XKR9: variants seen among roughly 807,000 people sequenced by gnomAD.
XKR9 encodes XK-related protein 9.
In XKR9, 32 loss-of-function variants were observed where a neutral mutation model predicts 32.0. That is an observed-to-expected ratio of 1.00 (90% CI 0.76 to 1.34). XKR9 has a LOEUF of 1.34. Ranked by LOEUF, XKR9 falls within the 40% of genes most tolerant of loss-of-function variation. The pLI is 0.00. For synonymous variants in XKR9, 168 were observed against 143.4 expected (o/e 1.17, Z -1.22); for missense variants, 546 against 429.7 (o/e 1.27, Z -2.39).
intron 2 of XKR9, among the ~76,000 whole-genome samples, chr8:70,777,548 G>T (rs540235444): frequency 6.6e-6 from 1 of 152,214 alleles, no homozygotes; most frequent in South Asian, 2.1e-4. Context: ...TTCCACAATG[G>T]TTGAACTAAT....
At chr8:70,810,180 C>T in the XKR9 span, among the ~76,000 whole-genome samples, 1 of 152,114 alleles carries the variant, frequency 6.6e-6, no homozygotes, top group Non-Finnish European at 1.5e-5. Flanking sequence ...ATTTCATATC[C>T]AGCCAAACTA....
the XKR9 span, among the ~76,000 whole-genome samples, chr8:70,993,598 ACATCTTC>A: frequency 0.069 from 9,430 of 136,472 alleles, 694 homozygotes; most frequent in Non-Finnish European, 0.1. Context: ...GTTTCATAGG[ACATCTTC>A]CTTCCTTCCT....
At chr8:70,928,423 C>G in the XKR9 span, among the ~76,000 whole-genome samples, 1 of 152,046 alleles carries the variant, frequency 6.6e-6, no homozygotes, top group Non-Finnish European at 1.5e-5. Flanking sequence ...TAAGCACAAC[C>G]CATTTGATAA....
At chr8:70,675,293 G>T (rs557362154) in intron 2 of XKR9, among the ~76,000 whole-genome samples, 1 of 152,286 alleles carries the variant, frequency 6.6e-6, no homozygotes, top group East Asian at 1.9e-4. Context: ...GGGTTTGGTG[G>T]TGTGCACCTG....
chr8:70,805,871 T>C, the XKR9 span, among the ~76,000 whole-genome samples: 61,077 of 151,970 alleles, frequency 0.4, 13,867 homozygotes, highest in Non-Finnish European at 0.52. Context: ...TGCTTCCCCC[T>C]AGTGAAGCAC....
At chr8:70,733,463 T>C (rs1806739501) in intron 4 of XKR9, among the ~76,000 whole-genome samples, 1 of 152,080 alleles carries the variant, frequency 6.6e-6, no homozygotes, top group Admixed American at 6.6e-5. Flanking sequence ...CTTTTTTCAG[T>C]ATATCAGTTG....
the XKR9 span, among the ~76,000 whole-genome samples, chr8:70,827,427 C>T: frequency 6.6e-6 from 1 of 151,954 alleles, no homozygotes; most frequent in African/African-American, 2.4e-5. Context: ...GACATAAATA[C>T]AGAAAGAAGA....
chr8:70,914,474 ATTTAC>A, the XKR9 span, among the ~76,000 whole-genome samples: 1 of 151,914 alleles, frequency 6.6e-6, no homozygotes, highest in Non-Finnish European at 1.5e-5. Context: ...TTTCATTTTT[ATTTAC>A]TTTTAGATTT....
At chr8:70,709,333 A>G (rs1314551098) in intron 4 of XKR9, among the ~76,000 whole-genome samples, 1 of 152,186 alleles carries the variant, frequency 6.6e-6, no homozygotes, top group Admixed American at 6.5e-5. Flanking sequence ...ACAAACCCAC[A>G]GTCAACATCA....
the XKR9 span, among the ~76,000 whole-genome samples, chr8:70,850,857 C>T: frequency 2.6e-5 from 4 of 152,146 alleles, no homozygotes; most frequent in African/African-American, 9.7e-5. Flanking sequence ...GAAGCATTCC[C>T]TTTGAAAGCC....
At chr8:70,944,988 TACA>T in the XKR9 span, among the ~76,000 whole-genome samples, 101 of 152,258 alleles carry the variant, frequency 6.6e-4, no homozygotes, top group African/African-American at 2.2e-3. Flanking sequence ...CCATAGGGAA[TACA>T]ACATTAGGTA....
At chr8:71,000,512 G>A in the XKR9 span, among the ~76,000 whole-genome samples, 48,474 of 151,984 alleles carry the variant, frequency 0.32, 9,063 homozygotes, top group Non-Finnish European at 0.43. Flanking sequence ...ATTTCAGCTG[G>A]AAAAGATAGA....
downstream of XKR9, among the ~76,000 whole-genome samples, chr8:70,737,079 A>G (rs1806876989): frequency 6.6e-6 from 1 of 151,488 alleles, no homozygotes; most frequent in African/African-American, 2.4e-5. Context: ...TTTTCATGAT[A>G]TTGATTCTTC....
At chr8:70,739,191 C>G (rs534743512), downstream of XKR9, among the ~76,000 whole-genome samples, 1 of 152,116 alleles carries the variant, frequency 6.6e-6, no homozygotes, top group Non-Finnish European at 1.5e-5. Context: ...GTGAGCTCTT[C>G]TTGTTGAATT....
the XKR9 span, among the ~76,000 whole-genome samples, chr8:70,910,358 T>G: frequency 7.2e-5 from 11 of 152,218 alleles, no homozygotes; most frequent in African/African-American, 2.7e-4. Flanking sequence ...GAGTTGACAG[T>G]CATGAAATCT....
chr8:70,885,173 T>A, the XKR9 span, among the ~76,000 whole-genome samples: 1 of 152,282 alleles, frequency 6.6e-6, no homozygotes, highest in East Asian at 1.9e-4. Context: ...CAATTTCTAA[T>A]TATTTAAAAA....
the XKR9 span, among the ~76,000 whole-genome samples, chr8:70,999,255 C>T: frequency 3.3e-5 from 5 of 151,600 alleles, no homozygotes; most frequent in Admixed American, 3.3e-4. Context: ...TTCTTTTATC[C>T]CATTATTTAT....
the XKR9 span, among the ~76,000 whole-genome samples, chr8:70,979,394 A>G: frequency 6.6e-6 from 1 of 152,082 alleles, no homozygotes; most frequent in Non-Finnish European, 1.5e-5. Context: ...TTGGTGTTTG[A>G]TGATGGTGAC....
At chr8:70,837,952 T>G in the XKR9 span, among the ~76,000 whole-genome samples, 23 of 152,276 alleles carry the variant, frequency 1.5e-4, no homozygotes, top group African/African-American at 5.5e-4. Context: ...TCATTATCAT[T>G]TATTATTACT....
Sources: allele counts gnomAD v4.1 joint callset (sites outside exome capture counted in the v4.1 genomes callset), GRCh38; gene constraint gnomAD v4.1.1; transcripts MANE v1.5; gene names NCBI Gene and HGNC (gene_info 2026-07-23, HGNC 2026-07-21).